Variants in TMEM19 observed in about 807,000 individuals in gnomAD.
The protein encoded by TMEM19 is transmembrane protein 19.
In TMEM19, 21 loss-of-function variants were observed where a neutral mutation model predicts 33.6. The observed-to-expected ratio is 0.62, with a 90% confidence interval of 0.44 to 0.90. TMEM19 has a LOEUF of 0.90. Ranked by LOEUF, TMEM19 falls within the 40% of genes least tolerant of loss-of-function variation. The pLI is 0.00. For missense variants in TMEM19, 402 were observed against 401.8 expected (o/e 1.00, Z 0.00); for synonymous variants, 149 against 147.5 (o/e 1.01, Z -0.07).
intron 2 of TMEM19, among the ~76,000 whole-genome samples, chr12:71,690,023 T>C (rs772689607): frequency 7.9e-5 from 12 of 152,234 alleles, no homozygotes; most frequent in Non-Finnish European, 1.3e-4. Flanking sequence ...TCCTCCTATA[T>C]GTAAAATAGA....
At chr12:71,700,140 T>A (rs961600758) in intron 5 of TMEM19, among the ~76,000 whole-genome samples, 4 of 152,236 alleles carry the variant, frequency 2.6e-5, no homozygotes, top group Non-Finnish European at 4.4e-5. Context: ...TTCTCCATTT[T>A]GTTAGTCTCA....
At chr12:71,696,354 A>T (rs1881870351) in intron 2 of TMEM19, 82 bp from the exon 3 acceptor site, 1 of 1,249,390 alleles carries the variant, frequency 8.0e-7, no homozygotes, top group East Asian at 2.5e-5. Flanking sequence ...TAATATAAAA[A>T]TAATGGAAAA....
chr12:71,701,016 G>C lies in TMEM19; in HGVS notation c.*21G>C, dbSNP rs371628757. ...GGTGAACTTTATTTCATTTCCACAGGTTGAAACTGGTGAGTCCAGCTAAAT... is the reference window on the plus strand; with the variant it reads ...GGTGAACTTTATTTCATTTCCACAGCTTGAAACTGGTGAGTCCAGCTAAAT... On this transcript the variant is annotated 3_prime_UTR_variant, in exon 6 of 6. Coordinates refer to ENST00000266673, the MANE Select transcript of TMEM19 (RefSeq NM_018279.4). The C allele has an allele frequency of 1.3e-6, 2 of 1,588,312 alleles. No homozygotes were observed. Among genetic ancestry groups the C allele is most frequent in the Non-Finnish European group, 1.7e-6 (2 of 1,166,924 alleles).
chr12:71,698,369 TTTA>T (rs1296310908), intron 4 of TMEM19, among the ~76,000 whole-genome samples: 6 of 152,318 alleles, frequency 3.9e-5, no homozygotes, highest in African/African-American at 1.4e-4. Context: ...AATTGGTTCT[TTTA>T]TTATTTATAT....
chr12:71,687,496 G>T (rs1881713647), intron 1 of TMEM19, among the ~76,000 whole-genome samples: 2 of 151,964 alleles, frequency 1.3e-5, no homozygotes, highest in Non-Finnish European at 2.9e-5. Flanking sequence ...GGCGGAGGTT[G>T]CAGTGAACCA....
At position 71,697,293 on chromosome 12, in the gene TMEM19, T is replaced by C. The variant is rs1458314673; in HGVS notation, c.396T>C (p.Asn132=). 1 of 1,586,482 alleles carries C rather than the reference T, an allele frequency of 6.3e-7. No homozygotes were observed. The highest frequency in any genetic ancestry group is 8.5e-7 in the Non-Finnish European group (1 of 1,170,680). The change falls in exon 4 of 6, where the codon AAT becomes AAC. Residue 132 remains asparagine, a synonymous_variant. Coordinates refer to ENST00000266673, the MANE Select transcript of TMEM19 (RefSeq NM_018279.4). ...DSEYKEGGQR[N]WVQVFCNGAV... ...GTTTGTTTCCAGGTGGGCAAAGGAA[T>C]TGGGTTCAGGTGTTCTGTAATGGAG...
intron 2 of TMEM19, among the ~76,000 whole-genome samples, chr12:71,691,853 A>G (rs1186117358): frequency 1.4e-4 from 22 of 151,826 alleles, no homozygotes; most frequent in Admixed American, 1.4e-3. Context: ...TGTGCTGTAT[A>G]TTGTCCTGCT....
At chr12:71,691,911 A>T (rs1881792511) in intron 2 of TMEM19, among the ~76,000 whole-genome samples, 2 of 152,132 alleles carry the variant, frequency 1.3e-5, no homozygotes, top group Non-Finnish European at 2.9e-5. Flanking sequence ...TGCTGCTAGA[A>T]GGGCTGCCTT....
At chr12:71,694,768 C>T (rs923454539) in intron 2 of TMEM19, among the ~76,000 whole-genome samples, 1 of 152,120 alleles carries the variant, frequency 6.6e-6, no homozygotes, top group African/African-American at 2.4e-5. Flanking sequence ...TTTGGGCTAG[C>T]CAAGTAAATT....
In TMEM19 at chr12:71,693,659, T is replaced by C. The variant is rs1011234632; in HGVS notation, c.245-2777T>C. ...TCCACTACTGCTATTCACAGTGATATAGTTTGACCATGTCTCCACACAAAT... is the reference window on the plus strand; with the variant it reads ...TCCACTACTGCTATTCACAGTGATACAGTTTGACCATGTCTCCACACAAAT... On this transcript the variant is annotated intron_variant, in intron 2 of 5. Transcript: ENST00000266673. 6.6e-5 allele frequency among the ~76,000 whole-genome samples: 10 copies of C among 152,078 alleles called. No individual in the cohort carries two copies. The East Asian group carries it at 1.2e-3, about 18-fold the overall frequency.
intron 2 of TMEM19, among the ~76,000 whole-genome samples, chr12:71,691,506 C>T (rs928561526): frequency 1.4e-5 from 2 of 147,958 alleles, no homozygotes; most frequent in African/African-American, 5.0e-5. Context: ...CAGTGGCTCA[C>T]ACCTGTAATC....
chr12:71,698,784 C>T (rs1881925338), intron 4 of TMEM19, 116 bp from the exon 5 acceptor site: 1 of 854,764 alleles, frequency 1.2e-6, no homozygotes, highest in Non-Finnish European at 1.9e-6. Context: ...CTTTAGATTG[C>T]ATTAAAGAGA....
chr12:71,699,101 A>G lies in TMEM19; in HGVS notation c.839A>G (p.Gln280Arg), dbSNP rs1226052251. The G allele has an allele frequency of 1.9e-6, 3 of 1,614,186 alleles. No homozygotes were observed. The highest frequency in any genetic ancestry group is 1.6e-4 in the Middle Eastern group (1 of 6,062). ...GACTCATACTTAGGGGCTACAATGC[A>G]GTATACTGGTAAGAACATTCCTTCA... ...IVDSYLGATM[Q>R]YTGLDESTGM... Residue 280 changes from glutamine to arginine, a missense_variant, in exon 5 of 6, where the codon CAG becomes CGG. Physicochemically the swap from Gln to Arg is conservative, Grantham distance 43 (BLOSUM62 1). Coordinates refer to ENST00000266673, the MANE Select transcript of TMEM19 (RefSeq NM_018279.4).
Position 71,696,585 on chromosome 12 carries a change from T to C in TMEM19, c.382+12T>C, listed in dbSNP as rs1484145187. ...AGAATATAAGGAAGGTAAAATTATGTTTGATATCATTCAAAATAGTAAACT... is the reference window on the plus strand; with the variant it reads ...AGAATATAAGGAAGGTAAAATTATGCTTGATATCATTCAAAATAGTAAACT... On this transcript the variant is annotated intron_variant, in intron 3 of 5. Transcript: ENST00000266673. 1 of 1,579,410 alleles carries C rather than the reference T, an allele frequency of 6.3e-7. No homozygotes were observed. Among genetic ancestry groups the C allele is most frequent in the Non-Finnish European group, 8.6e-7 (1 of 1,165,112 alleles).
At chr12:71,693,410 T>G (rs1881818943) in intron 2 of TMEM19, among the ~76,000 whole-genome samples, 1 of 152,088 alleles carries the variant, frequency 6.6e-6, no homozygotes, top group South Asian at 2.1e-4. Flanking sequence ...AAAAAAAATC[T>G]AATGCTGATT....
intron 4 of TMEM19, 33 bp from the exon 5 acceptor site, chr12:71,698,867 A>T: frequency 6.2e-7 from 1 of 1,602,522 alleles, no homozygotes; most frequent in Non-Finnish European, 8.5e-7. Context: ...GCTGATTATT[A>T]ACCGGATGAT....
chr12:71,699,109 G>A lies in TMEM19; in HGVS notation c.847G>A (p.Gly283Arg), dbSNP rs568765314. The A allele has an allele frequency of 7.4e-6, 12 of 1,613,778 alleles. No individual in the cohort carries two copies. In the African/African-American group the frequency reaches 1.2e-4, roughly 16 times the overall value. The change falls in exon 5 of 6, where the codon GGG becomes AGG. Residue 283 changes from glycine to arginine, a missense_variant and splice_region_variant. Physicochemically the swap from Gly to Arg is moderately radical, Grantham distance 125. Coordinates refer to ENST00000266673, the MANE Select transcript of TMEM19 (RefSeq NM_018279.4). ...SYLGATMQYT[G>R]LDESTGMVVN... is the part of the protein sequence containing the mutation. ...CTTAGGGGCTACAATGCAGTATACTGGTAAGAACATTCCTTCATTCTTGCA... is the reference window on the plus strand; with the variant it reads ...CTTAGGGGCTACAATGCAGTATACTAGTAAGAACATTCCTTCATTCTTGCA...
chr12:71,689,882 C>T (rs992013004), intron 2 of TMEM19, among the ~76,000 whole-genome samples, 178 bp downstream of exon 2: 1 of 152,140 alleles, frequency 6.6e-6, no homozygotes, highest in South Asian at 2.1e-4. Flanking sequence ...CAGAAACTAA[C>T]GTACACTTTT....
At chr12:71,689,468 A>T (rs993775482) in intron 1 of TMEM19, 123 bp from the exon 2 acceptor site, 5 of 731,962 alleles carry the variant, frequency 6.8e-6, no homozygotes, top group Non-Finnish European at 1.2e-5. Flanking sequence ...TTCTTTGGTG[A>T]CTTCATCTTG....
Sources: allele counts gnomAD v4.1 joint callset (sites outside exome capture counted in the v4.1 genomes callset), GRCh38; gene constraint gnomAD v4.1.1; transcripts MANE v1.5; gene names NCBI Gene and HGNC (gene_info 2026-07-23, HGNC 2026-07-21).